The following CDHR3 variants were observed in gnomAD, a reference collection of about 807,000 sequenced individuals.
CDHR3 encodes cadherin related family member 3.
Under a neutral mutation model 86.6 loss-of-function variants are expected in CDHR3, and 79 were observed. The observed-to-expected ratio is 0.91, with a 90% confidence interval of 0.76 to 1.10. CDHR3 has a LOEUF of 1.10. Ranked by LOEUF, CDHR3 falls within the 50% of genes least tolerant of loss-of-function variation. The pLI is 0.00. For missense variants in CDHR3, 1,081 were observed against 1,077.6 expected (o/e 1.00, Z -0.04); for synonymous variants, 421 against 402.4 (o/e 1.05, Z -0.55).
At position 106,028,934 on chromosome 7, in the gene CDHR3, TTCTTTCTTTCTTTC is replaced by T. The variant is rs1207196612; in HGVS notation, c.2304+354_2304+367del. Reference sequence around the variant, plus strand: ...ATTTAAATTTTCTTTCTTTCTTTCTTTCTTTCTTTCTTTCTTTCTTTCTTTCTTTCTTTCTTTCT... The same window carrying T: ...ATTTAAATTTTCTTTCTTTCTTTCTTTTTCTTTCTTTCTTTCTTTCTTTCT... On this transcript the variant is annotated intron_variant, in intron 17 of 18. Coordinates refer to ENST00000317716, the MANE Select transcript of CDHR3 (RefSeq NM_152750.5). 3.0e-4 allele frequency among the ~76,000 whole-genome samples: 34 copies of T among 112,214 alleles called. 1 individual carries two copies. The highest frequency in any genetic ancestry group is 5.0e-3 in the Middle Eastern group (1 of 202). The allele number at this position is 112,214 out of a possible 152,430, so 73.6% of individuals were successfully genotyped here.
chr7:105,970,007 G>C (rs1284419893), intron 1 of CDHR3, among the ~76,000 whole-genome samples: 1 of 152,112 alleles, frequency 6.6e-6, no homozygotes. Context: ...CTTGAAGCCA[G>C]GGGTCTGATT....
At position 105,975,013 on chromosome 7, in the gene CDHR3, T is replaced by C. The variant is rs190302997; in HGVS notation, c.216T>C (p.Phe72=). ...ACTCAAATCCCCTCACTGAAGCTTT[T>C]AGGGTGAATTGGCTGTCAGGCACCT... ...IVNSNPLTEA[F]RVNWLSGTYF... is the part of the protein sequence containing the mutation. The change falls in exon 2 of 19, where the codon TTT becomes TTC. Residue 72 remains phenylalanine, a synonymous_variant. Transcript: ENST00000317716. 28 of 1,613,956 alleles carry C rather than the reference T, an allele frequency of 1.7e-5. No homozygotes were observed. The highest frequency in any genetic ancestry group is 5.0e-5 in the Admixed American group (3 of 60,022).
At chr7:106,014,608 G>A (rs186210132) in intron 9 of CDHR3, among the ~76,000 whole-genome samples, 215 of 152,190 alleles carry the variant, frequency 1.4e-3, no homozygotes, top group African/African-American at 4.9e-3. Flanking sequence ...CACCAGCCTG[G>A]GCAACAAAGG....
chr7:106,015,828 T>C, intron 10 of CDHR3, 99 bp from the exon 11 acceptor site: 2 of 890,342 alleles, frequency 2.2e-6, no homozygotes, highest in South Asian at 1.4e-5. Flanking sequence ...GTATCCCCTA[T>C]GCGCAAAGCC....
intron 6 of CDHR3, among the ~76,000 whole-genome samples, chr7:105,998,589 C>T (rs954454062): frequency 6.6e-6 from 1 of 152,060 alleles, no homozygotes; most frequent in Non-Finnish European, 1.5e-5. Flanking sequence ...GTCAGGAGTT[C>T]GAGACCAGCC....
At chr7:105,995,899 G>A (rs1406279110) in intron 5 of CDHR3, among the ~76,000 whole-genome samples, 1 of 152,128 alleles carries the variant, frequency 6.6e-6, no homozygotes, top group African/African-American at 2.4e-5. Flanking sequence ...ACAAGAGCTA[G>A]CCATGTGAGC....
At chr7:106,022,563 A>T (rs1423730940) in intron 14 of CDHR3, 115 bp downstream of exon 14, 1 of 1,458,616 alleles carries the variant, frequency 6.9e-7, no homozygotes, top group African/African-American at 1.4e-5. Context: ...AGGTATTAGG[A>T]TGTTGCCAAA....
chr7:106,032,319 A>C (rs1380008853), intron 18 of CDHR3, 74 bp from the exon 19 acceptor site: 4 of 1,394,580 alleles, frequency 2.9e-6, no homozygotes, highest in Non-Finnish European at 2.0e-6. Flanking sequence ...AGAACAGAGC[A>C]GGGTAGAAGT....
chr7:105,964,895 T>G lies in CDHR3; in HGVS notation c.46+1531T>G, dbSNP rs78520340. On this transcript the variant is annotated intron_variant, in intron 1 of 18. Coordinates refer to ENST00000317716, the MANE Select transcript of CDHR3 (RefSeq NM_152750.5). ...GCCATGAGCAGTTCAGACTGTCACTTGAAGTAAACATTTCAGATTTCCCCC... is the reference window on the plus strand; with the variant it reads ...GCCATGAGCAGTTCAGACTGTCACTGGAAGTAAACATTTCAGATTTCCCCC... 5.9e-3 allele frequency among the ~76,000 whole-genome samples: 892 copies of G among 152,278 alleles called. 13 individuals are homozygous for G. Among genetic ancestry groups the G allele is most frequent in the African/African-American group, 0.02 (851 of 41,532 alleles).
intron 16 of CDHR3, among the ~76,000 whole-genome samples, chr7:106,028,116 T>TTTAAAA (rs1554532107): frequency 1.7e-5 from 2 of 120,230 alleles, no homozygotes; most frequent in African/African-American, 6.7e-5. Flanking sequence ...AGACCCTGTC[T>TTTAAAA]TAAAATAAAA....
intron 12 of CDHR3, 137 bp from the exon 13 acceptor site, chr7:106,020,236 G>A: frequency 7.0e-6 from 5 of 711,476 alleles, no homozygotes; most frequent in South Asian, 6.0e-5. Context: ...CATAAAATGG[G>A]AATAATCATG....
intron 3 of CDHR3, among the ~76,000 whole-genome samples, chr7:105,983,421 A>G (rs1479849662): frequency 1.3e-5 from 2 of 152,198 alleles, no homozygotes; most frequent in Non-Finnish European, 2.9e-5. Flanking sequence ...TAATTACGCT[A>G]AAAGAATAAA....
rs2115788847 is a variant in CDHR3, at chr7:106,001,548, G to A, written c.800G>A (p.Gly267Asp). Residue 267 changes from glycine (G) to aspartate (D), a missense_variant, in exon 7 of 19, where the codon GGT becomes GAT. Gly to Asp is a moderately conservative substitution (Grantham distance 94). Coordinates refer to ENST00000317716, the MANE Select transcript of CDHR3 (RefSeq NM_152750.5). The stretch of plus-strand genomic sequence containing the variant: ...ACAGCGGAGGATCCTGATGATGAAG[G>A]TTTTCCCAGCCACCTCCTCTACAGC... ...NITAEDPDDE[G>D]FPSHLLYSIT... 6.2e-7 allele frequency: 1 copy of A among 1,613,918 alleles called. No homozygotes were observed. Among genetic ancestry groups the A allele is most frequent in the African/African-American group, 1.3e-5 (1 of 74,996 alleles).
intron 14 of CDHR3, 136 bp downstream of exon 14, chr7:106,022,584 A>G (rs528018323): frequency 1.1e-5 from 15 of 1,310,160 alleles, no homozygotes; most frequent in Middle Eastern, 2.7e-4. Flanking sequence ...AATGGCAACC[A>G]TGGGCTGGAC....
At chr7:105,971,881 C>G (rs1471467565) in intron 1 of CDHR3, among the ~76,000 whole-genome samples, 3 of 152,340 alleles carry the variant, frequency 2.0e-5, no homozygotes, top group South Asian at 2.1e-4. Flanking sequence ...ATCACATCAT[C>G]AAGATCTAAC....
At chr7:106,028,632 G>T (rs753423415) in intron 17 of CDHR3, 50 bp downstream of exon 17, 17 of 1,604,742 alleles carry the variant, frequency 1.1e-5, no homozygotes, top group Non-Finnish European at 1.4e-5. Flanking sequence ...GGGGATAGGG[G>T]CTCCCGTCTC....
chr7:105,984,223 C>T lies in CDHR3; in HGVS notation c.447C>T (p.Asn149=), dbSNP rs768028690. ...ACCTCTACATAGTAGAAAGAGCAAA[C>T]CCTGGATTCATTTACCAGGTTGAGG... is the stretch of plus-strand genomic sequence containing the variant. The part of the protein sequence containing the change: ...GLHLYIVERA[N]PGFIYQVEAF... Residue 149 remains asparagine (N), a synonymous_variant, in exon 4 of 19, where the codon AAC becomes AAT. Coordinates refer to ENST00000317716, the MANE Select transcript of CDHR3 (RefSeq NM_152750.5). 9 of 1,610,590 alleles carry T rather than the reference C, an allele frequency of 5.6e-6. No homozygotes were observed. The highest frequency in any genetic ancestry group is 1.7e-5 in the Admixed American group (1 of 59,868).
chr7:106,012,828 G>A, intron 8 of CDHR3, 32 bp from the exon 9 acceptor site: 1 of 1,560,884 alleles, frequency 6.4e-7, no homozygotes, highest in East Asian at 2.3e-5. Context: ...ACCATTTATT[G>A]GGGGAAATAC....
intron 8 of CDHR3, among the ~76,000 whole-genome samples, chr7:106,010,213 A>G (rs17360449): frequency 0.16 from 24,340 of 152,174 alleles, 2,485 homozygotes; most frequent in Middle Eastern, 0.29. Flanking sequence ...CATGGAAGTT[A>G]AAGTTTACAG....
Sources: gnomAD v4.1 joint callset for allele counts (sites outside exome capture counted in the v4.1 genomes callset) on GRCh38, gnomAD v4.1.1 for gene constraint, MANE v1.5 for transcripts, NCBI Gene and HGNC (gene_info 2026-07-23, HGNC 2026-07-21) for gene names.